Variants in EVI5 observed in about 807,000 individuals in gnomAD.
EVI5 encodes ecotropic viral integration site 5 protein homolog.
In EVI5, 73 loss-of-function variants were observed where a neutral mutation model predicts 112.0. The observed-to-expected ratio is 0.65, with a 90% CI of 0.54 to 0.79. EVI5 has a LOEUF of 0.79. Ranked by LOEUF, EVI5 falls within the 30% of genes least tolerant of loss-of-function variation. The pLI, the probability that EVI5 is intolerant of heterozygous loss-of-function variation, is 0.00. For missense variants in EVI5, 900 were observed against 968.8 expected (o/e 0.93, Z 0.94); for synonymous variants, 305 against 319.9 (o/e 0.95, Z 0.50).
At chr1:92,542,476 T>C (rs1023794554) in intron 19 of EVI5, among the ~76,000 whole-genome samples, 1 of 152,230 alleles carries the variant, frequency 6.6e-6, no homozygotes, top group African/African-American at 2.4e-5. Flanking sequence ...CTCCTGTTAA[T>C]GTTGATATTT....
intron 1 of EVI5, among the ~76,000 whole-genome samples, chr1:92,776,658 G>A (rs1684174926): frequency 6.7e-6 from 1 of 149,508 alleles, no homozygotes; most frequent in Non-Finnish European, 1.5e-5. Flanking sequence ...TTTTGAGATG[G>A]AGTTTCACTC....
At chr1:92,590,287 G>A (rs1330057127) in intron 18 of EVI5, among the ~76,000 whole-genome samples, 1 of 152,156 alleles carries the variant, frequency 6.6e-6, no homozygotes, top group African/African-American at 2.4e-5. Flanking sequence ...CGAGTTGAGA[G>A]AAGAAGGCTT....
At chr1:92,627,745 T>C (rs1275430903) in intron 14 of EVI5, among the ~76,000 whole-genome samples, 2 of 152,166 alleles carry the variant, frequency 1.3e-5, no homozygotes, top group African/African-American at 4.8e-5. Context: ...GGTATTACAT[T>C]GTGGTTTTGA....
At chr1:92,681,050 G>A (rs1244074329) in intron 9 of EVI5, among the ~76,000 whole-genome samples, 1 of 152,180 alleles carries the variant, frequency 6.6e-6, no homozygotes, top group Non-Finnish European at 1.5e-5. Context: ...ATATATTGGT[G>A]ATAAAATCTG....
At chr1:92,594,094 G>A (rs1434673957) in intron 18 of EVI5, among the ~76,000 whole-genome samples, 1 of 152,178 alleles carries the variant, frequency 6.6e-6, no homozygotes, top group African/African-American at 2.4e-5. Flanking sequence ...CCAAAAAAGA[G>A]CCTGCATTGC....
intron 9 of EVI5, among the ~76,000 whole-genome samples, chr1:92,691,180 G>A (rs1429653971): frequency 6.6e-6 from 1 of 152,080 alleles, no homozygotes; most frequent in East Asian, 1.9e-4. Flanking sequence ...CACAACTGAG[G>A]AAATGTGAAC....
chr1:92,521,812 A>G (rs1660985572), intron 19 of EVI5, among the ~76,000 whole-genome samples: 1 of 152,186 alleles, frequency 6.6e-6, no homozygotes, highest in African/African-American at 2.4e-5. Context: ...CAGCATAAGA[A>G]ACTACTGGAA....
At chr1:92,663,954 C>T (rs577841191) in intron 11 of EVI5, among the ~76,000 whole-genome samples, 1 of 152,312 alleles carries the variant, frequency 6.6e-6, no homozygotes, top group Admixed American at 6.5e-5. Flanking sequence ...TGCTATGTTA[C>T]CCAGGCCAAT....
intron 1 of EVI5, chr1:92,756,930 C>G (rs1209907312): frequency 5.9e-6 from 2 of 336,368 alleles, no homozygotes; most frequent in Non-Finnish European, 1.2e-5. Context: ...GAACATTACC[C>G]TTGTATTACT....
intron 13 of EVI5, among the ~76,000 whole-genome samples, chr1:92,649,922 T>C (rs912932424): frequency 6.6e-6 from 1 of 152,252 alleles, no homozygotes; most frequent in African/African-American, 2.4e-5. Context: ...TTTCCCAGCA[T>C]CATTTGTTGA....
intron 5 of EVI5, among the ~76,000 whole-genome samples, chr1:92,701,765 C>T (rs2102530557): frequency 6.6e-6 from 1 of 151,350 alleles, no homozygotes; most frequent in Non-Finnish European, 1.5e-5. Context: ...CTATAAATCT[C>T]TAAAGATGTT....
chr1:92,534,457 G>C (rs1412759036), intron 19 of EVI5, among the ~76,000 whole-genome samples: 1 of 152,118 alleles, frequency 6.6e-6, no homozygotes, highest in Non-Finnish European at 1.5e-5. Context: ...AACCAAAAAA[G>C]AGCCCGTATA....
intron 18 of EVI5, among the ~76,000 whole-genome samples, chr1:92,585,374 G>T (rs1425929665): frequency 6.6e-6 from 1 of 152,064 alleles, no homozygotes; most frequent in Non-Finnish European, 1.5e-5. Flanking sequence ...TGCCTGTATT[G>T]CTAGCTACTA....
chr1:92,672,004 T>A (rs1218733948), intron 10 of EVI5, among the ~76,000 whole-genome samples: 1 of 151,902 alleles, frequency 6.6e-6, no homozygotes, highest in Non-Finnish European at 1.5e-5. Context: ...AGGGGCCCAC[T>A]ATGTTGCCCA....
chr1:92,703,648 A>C (rs935013989), intron 3 of EVI5, 29 bp from the exon 4 acceptor site: 2 of 1,391,438 alleles, frequency 1.4e-6, no homozygotes, highest in Middle Eastern at 1.9e-4. Context: ...TACAAAAATG[A>C]ATTATTTAAG....
chr1:92,739,686 T>C (rs1678051710), intron 1 of EVI5, among the ~76,000 whole-genome samples: 1 of 152,288 alleles, frequency 6.6e-6, no homozygotes, highest in African/African-American at 2.4e-5. Flanking sequence ...GACATGATTA[T>C]ATCACTTTAT....
intron 18 of EVI5, among the ~76,000 whole-genome samples, chr1:92,576,081 T>C (rs1181097995): frequency 4.6e-5 from 7 of 152,126 alleles, no homozygotes; most frequent in Non-Finnish European, 1.5e-5. Context: ...AAGGATTAAG[T>C]ATAGAAGACA....
intron 2 of EVI5, among the ~76,000 whole-genome samples, chr1:92,735,172 G>C (rs574066430): frequency 1.3e-5 from 2 of 152,272 alleles, no homozygotes; most frequent in African/African-American, 4.8e-5. Flanking sequence ...GCATTTAATA[G>C]CAACAGGTGA....
At chr1:92,741,758 T>C (rs1254132809) in intron 1 of EVI5, among the ~76,000 whole-genome samples, 1 of 152,158 alleles carries the variant, frequency 6.6e-6, no homozygotes, top group Non-Finnish European at 1.5e-5. Context: ...TTCTATAAAG[T>C]AGGTAATGTC....
Sources: allele counts gnomAD v4.1 joint callset (sites outside exome capture counted in the v4.1 genomes callset), GRCh38; gene constraint gnomAD v4.1.1; transcripts MANE v1.5; gene names NCBI Gene and HGNC (gene_info 2026-07-23, HGNC 2026-07-21).